The following HDAC9 variants were observed in gnomAD, a reference collection of about 807,000 sequenced individuals.
HDAC9 encodes the protein MEF-2 interacting transcription repressor (MITR) protein.
In HDAC9, 41 loss-of-function variants were observed where a neutral mutation model predicts 139.4. The observed-to-expected ratio is 0.29, with a 90% CI of 0.23 to 0.38. The LOEUF (loss-of-function observed/expected upper bound fraction) is 0.38. HDAC9 is among the 10% of genes least tolerant of loss of function. HDAC9 has a pLI of 1.00. For missense variants in HDAC9, 1,147 were observed against 1,297.0 expected (o/e 0.88, Z 1.78); for synonymous variants, 517 against 476.2 (o/e 1.09, Z -1.12).
At chr7:18,591,766 C>A in intron 5 of HDAC9, 124 bp downstream of exon 5, 2 of 1,283,254 alleles carry the variant, frequency 1.6e-6, no homozygotes, top group Non-Finnish European at 2.2e-6. Flanking sequence ...CAAGTTCCTT[C>A]AGTTCTCTAA....
intron 1 of HDAC9, among the ~76,000 whole-genome samples, chr7:18,310,165 G>C (rs1315747123): frequency 1.3e-5 from 2 of 151,960 alleles, no homozygotes; most frequent in South Asian, 2.1e-4. Flanking sequence ...ACTGTGGTGG[G>C]GGGGTGGGGT....
intron 1 of HDAC9, among the ~76,000 whole-genome samples, chr7:18,292,958 T>G (rs375878256): frequency 6.6e-6 from 1 of 151,804 alleles, no homozygotes; most frequent in Non-Finnish European, 1.5e-5. Context: ...AACTTTGGAG[T>G]TTTTTTTCCC....
chr7:18,922,783 T>C lies in HDAC9; in HGVS notation c.2804-13026T>C, dbSNP rs1308708825. ...ATCATTTGAAATTATTGATTAATTT[T>C]ATCCAAATTCAGAATCAGTGGTGCC... is the stretch of plus-strand genomic sequence containing the variant. On this transcript the variant is annotated intron_variant, in intron 22 of 25. Coordinates refer to ENST00000686413, the MANE Select transcript of HDAC9 (RefSeq NM_178425.4). Among the ~76,000 whole-genome samples the C allele has an allele frequency of 5.3e-5, 8 of 152,120 alleles. 1 individual carries two copies. Among genetic ancestry groups the C allele is most frequent in the African/African-American group, 1.4e-4 (6 of 41,438 alleles).
At chr7:18,763,220 T>A (rs1446550523) in intron 15 of HDAC9, among the ~76,000 whole-genome samples, 2 of 152,188 alleles carry the variant, frequency 1.3e-5, no homozygotes, top group Non-Finnish European at 2.9e-5. Flanking sequence ...GTAGATAACA[T>A]ACAGTAGGTA....
intron 2 of HDAC9, among the ~76,000 whole-genome samples, chr7:18,177,769 C>A (rs1227749101): frequency 6.6e-6 from 1 of 152,036 alleles, no homozygotes; most frequent in African/African-American, 2.4e-5. Context: ...CAGTTGGCAG[C>A]TGTATTTATG....
In HDAC9 at chr7:18,499,862, G is replaced by A. The variant is rs76131743; in HGVS notation, c.22+3538G>A. The stretch of plus-strand genomic sequence containing the variant: ...GAATCCTTTTGTTCCTTAGTGTATG[G>A]TGTTGAGGGGAAGGGAACATTTTAG... On this transcript the variant is annotated intron_variant, in intron 2 of 25. Coordinates refer to ENST00000686413, the MANE Select transcript of HDAC9 (RefSeq NM_178425.4). Among the ~76,000 whole-genome samples the A allele has an allele frequency of 2.9e-3, 439 of 152,150 alleles. 3 individuals carry two copies. Among genetic ancestry groups the A allele is most frequent in the African/African-American group, 0.01 (417 of 41,508 alleles).
chr7:18,402,711 C>T (rs1256352790), intron 1 of HDAC9, among the ~76,000 whole-genome samples: 2 of 152,134 alleles, frequency 1.3e-5, no homozygotes, highest in African/African-American at 4.8e-5. Flanking sequence ...GAGACTGGTT[C>T]ATATGTGGTA....
intron 2 of HDAC9, among the ~76,000 whole-genome samples, chr7:18,568,496 C>G (rs1380149432): frequency 6.6e-6 from 1 of 152,178 alleles, no homozygotes; most frequent in Non-Finnish European, 1.5e-5. Context: ...AAAGTGCCAT[C>G]ATTCTTATTT....
Position 18,841,591 on chromosome 7 carries a change from G to C in HDAC9, c.2684+5594G>C, listed in dbSNP as rs561638614. ...GTGATCAGGGCTTCTGAGGCAGCAAGTGTGATTTTGGAGACAGTACTTTGT... is the reference window on the plus strand; with the variant it reads ...GTGATCAGGGCTTCTGAGGCAGCAACTGTGATTTTGGAGACAGTACTTTGT... On this transcript the variant is annotated intron_variant, in intron 21 of 25. Coordinates refer to ENST00000686413, the MANE Select transcript of HDAC9 (RefSeq NM_178425.4). 4.1e-3 allele frequency among the ~76,000 whole-genome samples: 618 copies of C among 152,256 alleles called. 5 individuals carry two copies. Among genetic ancestry groups the C allele is most frequent in the Non-Finnish European group, 4.3e-3 (292 of 67,994 alleles).
intron 25 of HDAC9, among the ~76,000 whole-genome samples, chr7:18,994,030 T>C (rs1786244370): frequency 6.6e-6 from 1 of 152,180 alleles, no homozygotes; most frequent in Non-Finnish European, 1.5e-5. Flanking sequence ...TTTTTGGCAG[T>C]GAGTGGGTTG....
At chr7:18,642,405 T>A (rs1056300260) in intron 8 of HDAC9, among the ~76,000 whole-genome samples, 5 of 152,048 alleles carry the variant, frequency 3.3e-5, no homozygotes, top group Non-Finnish European at 7.4e-5. Context: ...GGCTGCAGAG[T>A]CATACTCCCT....
At chr7:18,484,261 A>G (rs1795804769) in intron 1 of HDAC9, among the ~76,000 whole-genome samples, 1 of 151,566 alleles carries the variant, frequency 6.6e-6, no homozygotes, top group African/African-American at 2.4e-5. Flanking sequence ...CCTTGAGCCC[A>G]GGAGGTTGAG....
At chr7:18,890,358 G>A (rs1800569740) in intron 22 of HDAC9, among the ~76,000 whole-genome samples, 1 of 152,152 alleles carries the variant, frequency 6.6e-6, no homozygotes, top group Non-Finnish European at 1.5e-5. Flanking sequence ...GATGAAAACT[G>A]CTGTAATGAG....
In HDAC9 at chr7:18,463,339, G is replaced by C. The variant is rs532503618; in HGVS notation, c.-41-32923G>C. On this transcript the variant is annotated intron_variant, in intron 1 of 3. Coordinates refer to the HDAC9 transcript ENST00000413509. ...CCTTAAAGTTTTGCAACAGTTTACT[G>C]ATAAAATTGTCTGTGCCTGCAGGTG... Among the ~76,000 whole-genome samples, 16 of 152,006 alleles carry C rather than the reference G, an allele frequency of 1.1e-4. 1 individual carries two copies. The South Asian group carries it at 3.1e-3, about 30-fold the overall frequency.
chr7:18,129,441 T>C (rs544141725), intron 1 of HDAC9, among the ~76,000 whole-genome samples: 2 of 152,240 alleles, frequency 1.3e-5, no homozygotes, highest in African/African-American at 4.8e-5. Context: ...ACCTATAAAA[T>C]GAGTCAGCAT....
upstream of HDAC9, among the ~76,000 whole-genome samples, chr7:18,285,872 T>C (rs1797414226): frequency 6.6e-6 from 1 of 152,054 alleles, no homozygotes; most frequent in Admixed American, 6.6e-5. Context: ...TTTAGTCAAG[T>C]GTCAAAGGCA....
Position 18,878,331 on chromosome 7 carries a change from T to G in HDAC9, c.2803+3735T>G, listed in dbSNP as rs150515540. ...ATATATTCAAATTGCTTTTGTCATG[T>G]GAACAAGAATATGTTTTTCCTTTGG... On this transcript the variant is annotated intron_variant, in intron 22 of 25. Transcript: ENST00000686413. Among the ~76,000 whole-genome samples the G allele has an allele frequency of 1.2e-4, 18 of 152,316 alleles. No homozygotes were observed. The East Asian group carries it at 3.5e-3, about 29-fold the overall frequency.
At chr7:18,140,159 A>G (rs189870752) in intron 1 of HDAC9, among the ~76,000 whole-genome samples, 2 of 152,110 alleles carry the variant, frequency 1.3e-5, no homozygotes, top group African/African-American at 4.8e-5. Context: ...AATAAAATTC[A>G]TATCTTCCCA....
chr7:18,478,984 AT>A (rs1795337953), intron 1 of HDAC9, among the ~76,000 whole-genome samples: 1 of 151,888 alleles, frequency 6.6e-6, no homozygotes, highest in Non-Finnish European at 1.5e-5. Context: ...GTCTTTTCTT[AT>A]TTTTTAACCA....
Sources: gnomAD v4.1 joint callset for allele counts (sites outside exome capture counted in the v4.1 genomes callset) on GRCh38, gnomAD v4.1.1 for gene constraint, MANE v1.5 for transcripts, NCBI Gene and HGNC (gene_info 2026-07-23, HGNC 2026-07-21) for gene names.